The following MAP2K5 variants were observed in gnomAD, a reference collection of about 807,000 sequenced individuals.
The protein encoded by MAP2K5 is dual specificity mitogen-activated protein kinase kinase 5.
MAP2K5 carries 49 observed loss-of-function variants against 83.1 expected under a neutral mutation model. The observed-to-expected ratio is 0.59, with a 90% confidence interval of 0.47 to 0.75. MAP2K5 has a LOEUF of 0.75. Ranked by LOEUF, MAP2K5 falls within the 30% of genes least tolerant of loss-of-function variation. MAP2K5 has a pLI of 0.00. For synonymous variants in MAP2K5, 202 were observed against 191.8 expected (o/e 1.05, Z -0.44); for missense variants, 457 against 557.5 (o/e 0.82, Z 1.82).
intron 12 of MAP2K5, among the ~76,000 whole-genome samples, chr15:67,662,940 G>A (rs2087275531): frequency 6.6e-6 from 1 of 151,950 alleles, no homozygotes; most frequent in African/African-American, 2.4e-5. Context: ...TATAAATTTG[G>A]GGGGAGCTTT....
intron 11 of MAP2K5, among the ~76,000 whole-genome samples, chr15:67,649,065 C>A (rs2086897336): frequency 6.6e-6 from 1 of 152,066 alleles, no homozygotes; most frequent in Non-Finnish European, 1.5e-5. Context: ...CATTTTGTGT[C>A]TTTTTAAAAT....
chr15:67,696,626 A>G (rs1462852043), intron 15 of MAP2K5, among the ~76,000 whole-genome samples: 1 of 152,210 alleles, frequency 6.6e-6, no homozygotes, highest in Non-Finnish European at 1.5e-5. Flanking sequence ...ACGACATTAT[A>G]TGTAGCAGCA....
intron 17 of MAP2K5, among the ~76,000 whole-genome samples, chr15:67,734,315 C>T (rs1022287172): frequency 6.6e-6 from 1 of 152,042 alleles, no homozygotes; most frequent in African/African-American, 2.4e-5. Flanking sequence ...AGCAGCTTGT[C>T]AAGGAGAAAA....
At position 67,769,422 on chromosome 15, in the gene MAP2K5, T is replaced by G. The variant is rs2090100008; in HGVS notation, c.1135-180T>G. On this transcript the variant is annotated intron_variant, in intron 19 of 21. Coordinates refer to ENST00000178640, the MANE Select transcript of MAP2K5 (RefSeq NM_145160.3). This position sits in a 1 kb window ranked among gnomAD's most constrained non-coding sequence, Gnocchi z 5.2. ...CACCATTGTAAAATATGTGTGGCTTTAAATTTGGCATCTTTACCTAAATGT... is the reference window on the plus strand; with the variant it reads ...CACCATTGTAAAATATGTGTGGCTTGAAATTTGGCATCTTTACCTAAATGT... Among the ~76,000 whole-genome samples the G allele has an allele frequency of 6.6e-6, 1 of 152,246 alleles. No individual in the cohort carries two copies. Among genetic ancestry groups the G allele is most frequent in the Admixed American group, 6.5e-5 (1 of 15,278 alleles).
rs1234232804 is a variant in MAP2K5 at position 67,748,399 on chromosome 15, G to A, written c.1101+142G>A. 9 of 843,324 alleles carry A rather than the reference G, an allele frequency of 1.1e-5. No individual in the cohort carries two copies. Among genetic ancestry groups the A allele is most frequent in the Non-Finnish European group, 1.7e-5 (9 of 522,068 alleles). 52.2% of individuals were successfully genotyped at this position (843,324 alleles called of 1,614,324 possible). A position where few individuals can be genotyped will look rare whatever the true frequency, so the allele number is the denominator to read the frequency against. ...ACCTTTAACTGCCTGTATTAGATTA[G>A]GTACCATTAGAAATAATAGAACCTC... On this transcript the variant is annotated intron_variant, in intron 18 of 21. Coordinates refer to ENST00000178640, the MANE Select transcript of MAP2K5 (RefSeq NM_145160.3). The surrounding 1 kb of genome is among the most constrained non-coding windows in gnomAD (Gnocchi z 4.0).
intron 16 of MAP2K5, among the ~76,000 whole-genome samples, chr15:67,716,582 A>G (rs1212520020): frequency 6.6e-6 from 1 of 152,208 alleles, no homozygotes; most frequent in East Asian, 1.9e-4. Flanking sequence ...GTATTTAGAA[A>G]CTAGAATTTT....
intron 3 of MAP2K5, among the ~76,000 whole-genome samples, chr15:67,568,899 G>A (rs541392132): frequency 1.3e-5 from 2 of 151,362 alleles, no homozygotes; most frequent in Non-Finnish European, 2.9e-5. Flanking sequence ...CCAGCTACTC[G>A]GGAGGCTGAG....
chr15:67,634,367 CAAAA>C (rs71142390), intron 9 of MAP2K5, among the ~76,000 whole-genome samples: 2 of 48,576 alleles, frequency 4.1e-5, no homozygotes, highest in Non-Finnish European at 8.1e-5. Flanking sequence ...GACCTCATCT[CAAAA>C]AAAAAAAAAA....
chr15:67,776,428 G>A (rs1178589074), intron 21 of MAP2K5, among the ~76,000 whole-genome samples: 2 of 152,132 alleles, frequency 1.3e-5, no homozygotes, highest in Non-Finnish European at 2.9e-5. Flanking sequence ...TCAGAAAAAT[G>A]CAGGGATTCC....
chr15:67,783,249 G>A lies in MAP2K5; in HGVS notation c.1242+10497G>A, dbSNP rs979720508. ...TCACAGTCCAGTGAGGAAGGTGAGG[G>A]TAGACACAGCCAAGCACAGGATAGA... On this transcript the variant is annotated intron_variant, in intron 21 of 21. Coordinates refer to ENST00000178640, the MANE Select transcript of MAP2K5 (RefSeq NM_145160.3). The surrounding 1 kb of genome is among the most constrained non-coding windows in gnomAD (Gnocchi z 5.1). 6.6e-6 allele frequency among the ~76,000 whole-genome samples: 1 copy of A among 152,160 alleles called. No homozygotes were observed. The highest frequency in any genetic ancestry group is 2.4e-5 in the African/African-American group (1 of 41,438).
intron 13 of MAP2K5, among the ~76,000 whole-genome samples, chr15:67,687,923 G>A (rs931223683): frequency 1.2e-4 from 18 of 152,116 alleles, no homozygotes; most frequent in African/African-American, 4.8e-5. Context: ...GAAATGGAGC[G>A]TGTTGATGGA....
rs1382445849 is a variant in MAP2K5 at position 67,562,362 on chromosome 15, A to G, written c.185-921A>G. 6.6e-6 allele frequency among the ~76,000 whole-genome samples: 1 copy of G among 152,244 alleles called. No individual in the cohort carries two copies. Among genetic ancestry groups the G allele is most frequent in the African/African-American group, 2.4e-5 (1 of 41,464 alleles). On this transcript the variant is annotated intron_variant, in intron 2 of 21. Coordinates refer to ENST00000178640, the MANE Select transcript of MAP2K5 (RefSeq NM_145160.3). The surrounding 1 kb of genome is among the most constrained non-coding windows in gnomAD (Gnocchi z 4.1). ...GCCAACAATTTCATTTTGGGTTAAA[A>G]ATGAGATTTAATATTCTCACATAGT...
At chr15:67,721,545 G>A (rs1289772555) in intron 16 of MAP2K5, among the ~76,000 whole-genome samples, 2 of 152,128 alleles carry the variant, frequency 1.3e-5, no homozygotes, top group African/African-American at 4.8e-5. Flanking sequence ...AGTCTATGAG[G>A]TCTTTGCAGA....
intron 8 of MAP2K5, among the ~76,000 whole-genome samples, chr15:67,630,072 T>C (rs1474976899): frequency 6.6e-6 from 1 of 152,104 alleles, no homozygotes; most frequent in East Asian, 1.9e-4. Context: ...ACCCTGTCTC[T>C]ACAAAAAAAA....
chr15:67,674,405 A>G (rs1004015173), intron 13 of MAP2K5, among the ~76,000 whole-genome samples: 3 of 152,174 alleles, frequency 2.0e-5, no homozygotes, highest in Non-Finnish European at 2.9e-5. Context: ...TCCTTTAAAT[A>G]TAATAAATAT....
At chr15:67,733,451 C>T (rs1446330985) in intron 17 of MAP2K5, among the ~76,000 whole-genome samples, 1 of 151,924 alleles carries the variant, frequency 6.6e-6, no homozygotes, top group Non-Finnish European at 1.5e-5. Context: ...GTTAAAAACA[C>T]ATAAGAATGG....
chr15:67,644,669 C>T lies in MAP2K5; in HGVS notation c.586-1562C>T, dbSNP rs2086791436. ...GAGGGGGTCCTACCATTCCCAGGCTCTGTGGCTCCCAGGAGGGAAACGTGG... is the reference window on the plus strand; with the variant it reads ...GAGGGGGTCCTACCATTCCCAGGCTTTGTGGCTCCCAGGAGGGAAACGTGG... On this transcript the variant is annotated intron_variant, in intron 9 of 21. Coordinates refer to ENST00000178640, the MANE Select transcript of MAP2K5 (RefSeq NM_145160.3). This position sits in a 1 kb window ranked among gnomAD's most constrained non-coding sequence, Gnocchi z 4.6. 6.6e-6 allele frequency among the ~76,000 whole-genome samples: 1 copy of T among 151,894 alleles called. No homozygotes were observed. Among genetic ancestry groups the T allele is most frequent in the Non-Finnish European group, 1.5e-5 (1 of 67,998 alleles).
chr15:67,805,641 A>G (rs1040886508), intron 21 of MAP2K5, among the ~76,000 whole-genome samples: 7 of 151,884 alleles, frequency 4.6e-5, no homozygotes, highest in African/African-American at 1.7e-4. Context: ...ACAGGGAGGG[A>G]GAAGAGCTGG....
At chr15:67,661,917 T>C (rs1388716738) in intron 12 of MAP2K5, among the ~76,000 whole-genome samples, 1 of 152,138 alleles carries the variant, frequency 6.6e-6, no homozygotes. Flanking sequence ...GGATGTTAAT[T>C]TTTATAAACA....
Sources: allele counts gnomAD v4.1 joint callset (sites outside exome capture counted in the v4.1 genomes callset), GRCh38; gene constraint gnomAD v4.1.1; non-coding constraint Gnocchi (gnomAD v3.1); transcripts MANE v1.5; gene names NCBI Gene and HGNC (gene_info 2026-07-23, HGNC 2026-07-21).